Variants in ROBO2 observed in about 807,000 individuals in gnomAD.
The protein encoded by ROBO2 is roundabout guidance receptor 2, also known as roundabout homolog 2.
In ROBO2, 53 loss-of-function variants were observed where a neutral mutation model predicts 160.8. That is an observed-to-expected ratio of 0.33 (90% CI 0.26 to 0.41). The LOEUF (loss-of-function observed/expected upper bound fraction) is 0.41, where lower values mean the gene tolerates loss of function less well. Among genes scored for constraint, ROBO2 ranks in the 10% least tolerant of loss-of-function variants. The pLI is 1.00. For synonymous variants in ROBO2, 664 were observed against 611.7 expected, an observed-to-expected ratio of 1.09 and a Z score of -1.26; for missense variants, 1,577 against 1,722.4, an observed-to-expected ratio of 0.92 and a Z score of 1.49.
At chr3:76,013,373 T>C (rs1377772138) in intron 2 of ROBO2, among the ~76,000 whole-genome samples, 1 of 139,092 alleles carries the variant, frequency 7.2e-6, no homozygotes, top group Admixed American at 7.4e-5. Flanking sequence ...AGAAGTGGTA[T>C]ATATAAAGGC....
At chr3:77,166,255 C>G (rs909925900) in intron 2 of ROBO2, among the ~76,000 whole-genome samples, 4 of 151,740 alleles carry the variant, frequency 2.6e-5, no homozygotes, top group Admixed American at 2.0e-4. Context: ...GAAACTCTGT[C>G]TCAAAATTTA....
intron 2 of ROBO2, among the ~76,000 whole-genome samples, chr3:76,780,720 A>G (rs1179012486): frequency 6.6e-6 from 1 of 150,880 alleles, no homozygotes; most frequent in African/African-American, 2.4e-5. Flanking sequence ...CTTGTCAAAA[A>G]TTAGCTGACC....
chr3:77,097,076 C>T (rs1309608514), intron 1 of ROBO2, among the ~76,000 whole-genome samples: 1 of 152,118 alleles, frequency 6.6e-6, no homozygotes, highest in Non-Finnish European at 1.5e-5. Context: ...ATCTGTGAGC[C>T]GTGTAAAAGA....
At chr3:76,653,314 C>A (rs974378205) in intron 2 of ROBO2, among the ~76,000 whole-genome samples, 14 of 151,326 alleles carry the variant, frequency 9.3e-5, no homozygotes, top group African/African-American at 3.4e-4. Context: ...GAAGTAACTA[C>A]CTTATTTTAC....
At chr3:76,529,746 G>A (rs934157742) in intron 2 of ROBO2, among the ~76,000 whole-genome samples, 2 of 152,122 alleles carry the variant, frequency 1.3e-5, no homozygotes, top group Non-Finnish European at 2.9e-5. Flanking sequence ...AGTAAAGCAT[G>A]TTGTCTTTCA....
intron 2 of ROBO2, among the ~76,000 whole-genome samples, chr3:76,826,053 G>GGT (rs2066563802): frequency 7.0e-6 from 1 of 142,274 alleles, no homozygotes; most frequent in Non-Finnish European, 1.5e-5. Context: ...GAGTTTGTGG[G>GGT]TTTTTTTTTT....
At chr3:76,705,700 T>C (rs2093146578) in intron 2 of ROBO2, among the ~76,000 whole-genome samples, 1 of 152,166 alleles carries the variant, frequency 6.6e-6, no homozygotes, top group Admixed American at 6.6e-5. Context: ...CGAAATATTA[T>C]CTTTACTTAA....
chr3:76,759,631 G>T (rs1355312478), intron 2 of ROBO2, among the ~76,000 whole-genome samples: 1 of 150,776 alleles, frequency 6.6e-6, no homozygotes, highest in African/African-American at 2.5e-5. Flanking sequence ...ACCATAAAAA[G>T]TACATGGAAT....
At chr3:76,567,763 C>CTGTG (rs71101900) in intron 2 of ROBO2, among the ~76,000 whole-genome samples, 4,664 of 88,292 alleles carry the variant, frequency 0.053, 265 homozygotes, top group African/African-American at 0.12. Context: ...ATATATCTGT[C>CTGTG]TGTGTGTGTG....
chr3:77,368,836 T>C (rs778752251), intron 2 of ROBO2, among the ~76,000 whole-genome samples: 21 of 152,196 alleles, frequency 1.4e-4, no homozygotes, highest in Non-Finnish European at 2.4e-4. Context: ...AACGTCAAAG[T>C]TGGGTATTTA....
At chr3:76,340,100 T>G (rs1002084302) in intron 2 of ROBO2, among the ~76,000 whole-genome samples, 2 of 138,338 alleles carry the variant, frequency 1.4e-5, no homozygotes, top group African/African-American at 5.1e-5. Context: ...AAAAAAAACT[T>G]AGAAAATTAA....
chr3:76,083,456 A>AT (rs2068904559), intron 2 of ROBO2, among the ~76,000 whole-genome samples: 1 of 152,068 alleles, frequency 6.6e-6, no homozygotes, highest in Non-Finnish European at 1.5e-5. Flanking sequence ...TGAGAACTAG[A>AT]TAAGTTTTTG....
chr3:75,929,661 A>T (rs1033354781), intron 1 of ROBO2, among the ~76,000 whole-genome samples: 1 of 150,932 alleles, frequency 6.6e-6, no homozygotes, highest in Non-Finnish European at 1.5e-5. Flanking sequence ...CCCCTTTGGT[A>T]TTGCCATCAT....
intron 2 of ROBO2, among the ~76,000 whole-genome samples, chr3:76,661,248 A>G (rs73120006): frequency 2.0e-5 from 3 of 152,176 alleles, no homozygotes; most frequent in Non-Finnish European, 4.4e-5. Flanking sequence ...CAAACCAGAA[A>G]GATTGAACAA....
chr3:76,315,479 T>A (rs746293830), intron 2 of ROBO2, among the ~76,000 whole-genome samples: 9 of 152,316 alleles, frequency 5.9e-5, no homozygotes, highest in Admixed American at 3.3e-4. Context: ...TCATGGTGCA[T>A]TGAAGCGCTG....
chr3:77,517,840 G>T (rs2090181707), intron 5 of ROBO2, among the ~76,000 whole-genome samples: 1 of 151,222 alleles, frequency 6.6e-6, no homozygotes, highest in African/African-American at 2.4e-5. Context: ...ACCTTCCAGT[G>T]AGTCACTTAG....
rs540985428 is a variant in ROBO2 at position 76,432,229 on chromosome 3, A to G, written c.109+494627A>G. Among the ~76,000 whole-genome samples the G allele has an allele frequency of 2.0e-5, 3 of 152,304 alleles. No homozygotes were observed. In the South Asian group the frequency reaches 6.2e-4, roughly 32 times the overall value. The stretch of plus-strand genomic sequence containing the variant: ...AGTATATATTCTGCTCTAGTGTTTT[A>G]TGGTCTCAAAAGTATTTAGAGAAAA... On this transcript the variant is annotated intron_variant, in intron 2 of 26. Coordinates refer to the ROBO2 transcript ENST00000487694.
chr3:77,200,101 A>T (rs1215865398), intron 2 of ROBO2, among the ~76,000 whole-genome samples: 1 of 150,904 alleles, frequency 6.6e-6, no homozygotes, highest in Non-Finnish European at 1.5e-5. Flanking sequence ...TAAAAACGAC[A>T]TTAGAAGGAG....
chr3:75,924,153 A>G (rs7620141), intron 1 of ROBO2, among the ~76,000 whole-genome samples: 134,053 of 152,166 alleles, frequency 0.88, 59,132 homozygotes, highest in East Asian at 0.93. Flanking sequence ...ATGACCCTTA[A>G]TAGGATGACC....
Sources: gnomAD v4.1 joint callset for allele counts (sites outside exome capture counted in the v4.1 genomes callset) on GRCh38, gnomAD v4.1.1 for gene constraint, MANE v1.5 for transcripts, NCBI Gene and HGNC (gene_info 2026-07-23, HGNC 2026-07-21) for gene names.